Variants in IQANK1 observed in about 807,000 individuals in gnomAD.
IQANK1 encodes the protein IQ motif and ankyrin repeat domain-containing protein 1.
Under a neutral mutation model 22.6 loss-of-function variants are expected in IQANK1, and 30 were observed. That is an observed-to-expected ratio of 1.33 (90% CI 0.99 to 1.80). The LOEUF (loss-of-function observed/expected upper bound fraction) is 1.80. IQANK1 is among the 40% of genes most tolerant of loss of function. The pLI, the probability that IQANK1 is intolerant of heterozygous loss-of-function variation, is 0.00. For synonymous variants in IQANK1, 122 were observed against 99.6 expected, an observed-to-expected ratio of 1.23 and a Z score of -1.34; for missense variants, 275 against 235.2, an observed-to-expected ratio of 1.17 and a Z score of -1.11.
At chr8:143,755,734 G>A (rs553155281) in intron 3 of IQANK1, among the ~76,000 whole-genome samples, 9 of 152,174 alleles carry the variant, frequency 5.9e-5, no homozygotes, top group African/African-American at 2.2e-4. Context: ...TTCATATCTA[G>A]AATCCATTCC....
At chr8:143,736,890 G>T (rs1442720277) in intron 2 of IQANK1, among the ~76,000 whole-genome samples, 1 of 152,050 alleles carries the variant, frequency 6.6e-6, no homozygotes, top group East Asian at 1.9e-4. Flanking sequence ...GCAAATCTGG[G>T]GTCCTTCAGC....
intron 3 of IQANK1, chr8:143,742,347 G>A (rs1045026237): frequency 4.4e-6 from 2 of 455,158 alleles, no homozygotes; most frequent in Non-Finnish European, 8.8e-6. Flanking sequence ...TCCCTGCTTG[G>A]GACTACAGCA....
intron 3 of IQANK1, chr8:143,744,840 T>A (rs1186174190): frequency 6.6e-6 from 1 of 152,208 alleles, no homozygotes; most frequent in Non-Finnish European, 1.5e-5. Flanking sequence ...AGAATGTGTA[T>A]CCCAATAAAC....
At position 143,772,236 on chromosome 8, in the gene IQANK1, ACAGCAAGGTGGGCGCCGTGGGCCGCGGG is replaced by A; in HGVS notation, c.658_663+22del. The A allele has an allele frequency of 2.5e-6, 1 of 396,444 alleles. No homozygotes were observed. The highest frequency in any genetic ancestry group is 4.5e-6 in the Non-Finnish European group (1 of 224,652). The allele number at this position is 396,444 out of a possible 1,614,324, so 24.6% of individuals were successfully genotyped here. ...CGGGCCGAGCTCGGCGCCAGCCCCA[ACAGCAAGGTGGGCGCCGTGGGCCGCGGG>A]CCGCCGCGCTGAGGGGCGCGGTCCA... is the stretch of plus-strand genomic sequence containing the variant. On this transcript the variant is annotated splice_donor_variant and splice_donor_5th_base_variant and coding_sequence_variant and intron_variant, in exon 6 of 14. Coordinates refer to ENST00000527139, the MANE Select transcript of IQANK1 (RefSeq NM_001381874.1). LOFTEE classifies it high-confidence loss of function.
At chr8:143,751,678 A>ATATATATATATATATAT (rs1554628061) in intron 3 of IQANK1, among the ~76,000 whole-genome samples, 27 of 139,092 alleles carry the variant, frequency 1.9e-4, no homozygotes, top group Non-Finnish European at 2.7e-4. Flanking sequence ...ATATATATAT[A>ATATATATATATATATAT]AAATCCTATA....
At chr8:143,748,490 A>G (rs893722380) in intron 3 of IQANK1, among the ~76,000 whole-genome samples, 1 of 136,644 alleles carries the variant, frequency 7.3e-6, no homozygotes, top group Non-Finnish European at 1.6e-5. Context: ...ATAAATATAG[A>G]TGATATATAT....
chr8:143,748,667 A>G (rs1404340264), intron 3 of IQANK1, among the ~76,000 whole-genome samples: 1 of 97,460 alleles, frequency 1.0e-5, no homozygotes, highest in Non-Finnish European at 1.6e-5. Flanking sequence ...ATCATATATA[A>G]ATATATAAAT....
At chr8:143,749,822 C>T (rs972335842) in intron 3 of IQANK1, among the ~76,000 whole-genome samples, 1 of 150,714 alleles carries the variant, frequency 6.6e-6, no homozygotes, top group Non-Finnish European at 1.5e-5. Context: ...CTGAGCCTCT[C>T]AAAATGCTGG....
chr8:143,753,009 T>TG (rs1180189548), intron 3 of IQANK1, among the ~76,000 whole-genome samples: 22 of 138,868 alleles, frequency 1.6e-4, no homozygotes, highest in African/African-American at 5.5e-4. Context: ...TTTTTTTTTT[T>TG]TTTTTTTTTT....
intron 7 of IQANK1, among the ~76,000 whole-genome samples, chr8:143,773,311 A>C (rs1445451834): frequency 1.5e-5 from 2 of 134,470 alleles, no homozygotes; most frequent in East Asian, 2.0e-4. Flanking sequence ...AAAAAAAAAA[A>C]AAAAACAAAA....
At chr8:143,744,829 A>G (rs1554627060) in intron 3 of IQANK1, 2 of 152,248 alleles carry the variant, frequency 1.3e-5, no homozygotes, top group African/African-American at 4.8e-5. Context: ...GCTGGCAGCT[A>G]AGAATGTGTA....
At chr8:143,760,879 G>C (rs2129873127) in intron 3 of IQANK1, among the ~76,000 whole-genome samples, 1 of 152,324 alleles carries the variant, frequency 6.6e-6, no homozygotes, top group South Asian at 2.1e-4. Flanking sequence ...GCCGGTCATC[G>C]CCGCGCAGGC....
Position 143,735,467 on chromosome 8 carries a change from G to T in IQANK1, c.-4-383G>T, listed in dbSNP as rs1175226741. 6.6e-6 allele frequency among the ~76,000 whole-genome samples: 1 copy of T among 151,034 alleles called. No homozygotes were observed. Among genetic ancestry groups the T allele is most frequent in the East Asian group, 1.9e-4 (1 of 5,178 alleles). ...GTGGAGAGGCATGGAGGCTTCAGCA[G>T]AGAGGGCCATGCTCATGATTACGGT... On this transcript the variant is annotated intron_variant, in intron 1 of 13. Coordinates refer to ENST00000527139, the MANE Select transcript of IQANK1 (RefSeq NM_001381874.1). This position sits in a 1 kb window ranked among gnomAD's most constrained non-coding sequence, Gnocchi z 5.2.
chr8:143,743,068 A>G (rs1265803574), intron 3 of IQANK1: 1 of 455,690 alleles, frequency 2.2e-6, no homozygotes, highest in African/African-American at 2.0e-5. Context: ...CGTTGCTGCT[A>G]TAGCAGCCAC....
At chr8:143,741,369 C>G (rs184468876) in intron 3 of IQANK1, among the ~76,000 whole-genome samples, 101 of 152,292 alleles carry the variant, frequency 6.6e-4, no homozygotes, top group African/African-American at 2.2e-3. Flanking sequence ...CACTGACCCT[C>G]AGGCCTTCCC....
At chr8:143,739,651 T>C in intron 2 of IQANK1, 1 of 448,350 alleles carries the variant, frequency 2.2e-6, no homozygotes, top group Non-Finnish European at 3.9e-6. Flanking sequence ...TGTGCCTCCC[T>C]GAGGCCCCCT....
At chr8:143,782,403 T>C (rs1554631009) in intron 7 of IQANK1, among the ~76,000 whole-genome samples, 1 of 152,226 alleles carries the variant, frequency 6.6e-6, no homozygotes, top group East Asian at 1.9e-4. Flanking sequence ...TCAAGGGGAA[T>C]GCTTCCAGCT....
Position 143,789,446 on chromosome 8 carries a change from CCTA to C in IQANK1, c.1007_1009del (p.Tyr336del). The C allele has an allele frequency of 8.1e-7, 1 of 1,230,576 alleles. No homozygotes were observed. The highest frequency in any genetic ancestry group is 1.6e-5 in the African/African-American group (1 of 64,492). The allele number at this position is 1,230,576 out of a possible 1,614,324, so 76.2% of individuals were successfully genotyped here. A position where few individuals can be genotyped will look rare whatever the true frequency, so the allele number is the denominator to read the frequency against. On this transcript the variant is annotated inframe_deletion, in exon 10 of 14. Transcript: ENST00000527139. The stretch of plus-strand genomic sequence containing the variant: ...CGTACGCCCACCCAGCTGCAACAGG[CCTA>C]CTGTGAGCTTAGCCGGAGGATCTCA...
At position 143,774,965 on chromosome 8, in the gene IQANK1, G is replaced by A. The variant is rs193172613; in HGVS notation, c.789+2483G>A. 3.1e-3 allele frequency among the ~76,000 whole-genome samples: 468 copies of A among 151,826 alleles called. 3 individuals are homozygous for A. Among genetic ancestry groups the A allele is most frequent in the African/African-American group, 0.011 (448 of 41,120 alleles). ...CAGATCGGAGGGCTGCAGGGGTTAC[G>A]GATGGGAGTGGGGGCAGGAAAAGCG... On this transcript the variant is annotated intron_variant, in intron 7 of 13. Transcript: ENST00000527139. This position sits in a 1 kb window ranked among gnomAD's most constrained non-coding sequence, Gnocchi z 4.2.
Sources: gnomAD v4.1 joint callset for allele counts (sites outside exome capture counted in the v4.1 genomes callset) on GRCh38, gnomAD v4.1.1 for gene constraint, Gnocchi (gnomAD v3.1) non-coding constraint, MANE v1.5 for transcripts, NCBI Gene and HGNC (gene_info 2026-07-23, HGNC 2026-07-21) for gene names.